The following ADAMTSL3 variants were observed in gnomAD, a reference collection of about 807,000 sequenced individuals.
ADAMTSL3 encodes ADAMTS-like protein 3.
Under a neutral mutation model 201.7 loss-of-function variants are expected in ADAMTSL3, and 128 were observed. The observed-to-expected ratio is 0.63, with a 90% CI of 0.55 to 0.73. The LOEUF is 0.73. Among genes scored for constraint, ADAMTSL3 ranks in the 30% least tolerant of loss-of-function variants. The pLI, the probability that ADAMTSL3 is intolerant of heterozygous loss-of-function variation, is 0.00. For missense variants in ADAMTSL3, 1,990 were observed against 2,119.6 expected (o/e 0.94, Z 1.20); for synonymous variants, 738 against 748.4 (o/e 0.99, Z 0.23).
intron 3 of ADAMTSL3, among the ~76,000 whole-genome samples, chr15:83,724,194 G>A (rs1020975345): frequency 6.6e-6 from 1 of 151,918 alleles, no homozygotes. Context: ...TGCCTCTTGG[G>A]TTCAAGTGAT....
chr15:84,021,553 G>A lies in ADAMTSL3; in HGVS notation c.4417G>A (p.Ala1473Thr). ...GTGTGATCACCTCCAGAAGCCACTG[G>A]CTGGGTTTGAGCCCTGTAACATCCG... ...ALCDHLQKPL[A>T]GFEPCNIRDC... The change falls in exon 26 of 30, where the codon GCT (alanine) becomes ACT (threonine). Residue 1473 changes from alanine to threonine, a missense_variant. Coordinates refer to ENST00000286744, the MANE Select transcript of ADAMTSL3 (RefSeq NM_207517.3). The A allele has an allele frequency of 6.2e-7, 1 of 1,614,180 alleles. No homozygotes were observed. Among genetic ancestry groups the A allele is most frequent in the Non-Finnish European group, 8.5e-7 (1 of 1,180,018 alleles).
intron 9 of ADAMTSL3, among the ~76,000 whole-genome samples, 171 bp downstream of exon 9, chr15:83,871,130 T>G (rs1229844334): frequency 2.6e-5 from 4 of 152,246 alleles, no homozygotes; most frequent in African/African-American, 7.2e-5. Flanking sequence ...TCAGCACTCT[T>G]AAATTTCTGC....
chr15:83,890,020 G>GAA, intron 10 of ADAMTSL3, 89 bp from the exon 11 acceptor site: 9 of 1,290,880 alleles, frequency 7.0e-6, no homozygotes, highest in East Asian at 5.2e-5. Context: ...TCTTAAAGAG[G>GAA]AAAAAAAAAA....
chr15:83,973,514 A>C (rs572184470), intron 20 of ADAMTSL3, among the ~76,000 whole-genome samples: 1 of 152,278 alleles, frequency 6.6e-6, no homozygotes, highest in South Asian at 2.1e-4. Context: ...GGATTTCCTA[A>C]AGAAAATAAT....
chr15:83,688,534 C>G (rs1410687532), intron 2 of ADAMTSL3, among the ~76,000 whole-genome samples: 2 of 150,474 alleles, frequency 1.3e-5, no homozygotes, highest in African/African-American at 4.9e-5. Context: ...TTTTGCAATT[C>G]TTAATTCTAG....
intron 17 of ADAMTSL3, among the ~76,000 whole-genome samples, chr15:83,926,475 A>C (rs2066246871): frequency 6.6e-6 from 1 of 152,216 alleles, no homozygotes; most frequent in Admixed American, 6.5e-5. Context: ...ATCAAGTATA[A>C]ATCTTTTAAG....
chr15:83,882,794 A>G (rs535045162), intron 9 of ADAMTSL3, among the ~76,000 whole-genome samples: 40 of 152,138 alleles, frequency 2.6e-4, no homozygotes, highest in African/African-American at 9.4e-4. Context: ...TGTTAATCTG[A>G]TTTTTCACAT....
intron 25 of ADAMTSL3, 35 bp from the exon 26 acceptor site, chr15:84,021,375 T>C: frequency 6.2e-7 from 1 of 1,610,786 alleles, no homozygotes; most frequent in Non-Finnish European, 8.5e-7. Flanking sequence ...ATTTCTCTTT[T>C]GGGGCTGGCA....
intron 15 of ADAMTSL3, among the ~76,000 whole-genome samples, chr15:83,907,098 A>G (rs1248840119): frequency 1.0e-3 from 33 of 32,510 alleles, no homozygotes; most frequent in East Asian, 4.9e-3. Flanking sequence ...TGTCTCTGGG[A>G]AAAAAAAAAA....
At chr15:83,840,104 C>T (rs1221329157) in intron 7 of ADAMTSL3, among the ~76,000 whole-genome samples, 1 of 152,076 alleles carries the variant, frequency 6.6e-6, no homozygotes, top group African/African-American at 2.4e-5. Context: ...CCAATAATTG[C>T]ATCCTGAGGA....
chr15:83,864,425 T>G (rs190898019), intron 8 of ADAMTSL3, among the ~76,000 whole-genome samples: 2,685 of 152,260 alleles, frequency 0.018, 80 homozygotes, highest in African/African-American at 0.056. Flanking sequence ...ATGATCAAGT[T>G]GGCTTCATCC....
chr15:83,958,414 T>C (rs1178160302), intron 19 of ADAMTSL3, among the ~76,000 whole-genome samples: 1 of 152,172 alleles, frequency 6.6e-6, no homozygotes, highest in Non-Finnish European at 1.5e-5. Flanking sequence ...TTCAGATCCT[T>C]GGGAGTTGGG....
At chr15:83,743,850 C>T in intron 3 of ADAMTSL3, among the ~76,000 whole-genome samples, 1 of 152,004 alleles carries the variant, frequency 6.6e-6, no homozygotes, top group Non-Finnish European at 1.5e-5. Context: ...TTCCTTAACT[C>T]ATATATCTTT....
chr15:83,939,031 A>G (rs891484155), intron 17 of ADAMTSL3, among the ~76,000 whole-genome samples: 2 of 152,180 alleles, frequency 1.3e-5, no homozygotes, highest in Non-Finnish European at 2.9e-5. Flanking sequence ...TTCTGTCTCT[A>G]TTGAAATGAT....
intron 15 of ADAMTSL3, among the ~76,000 whole-genome samples, chr15:83,912,876 T>C (rs1293352887): frequency 6.6e-6 from 1 of 152,188 alleles, no homozygotes; most frequent in East Asian, 1.9e-4. Flanking sequence ...AAGTAGAATA[T>C]AGTTTAGTGA....
chr15:83,876,469 G>A (rs945807871), intron 9 of ADAMTSL3, among the ~76,000 whole-genome samples: 10 of 151,792 alleles, frequency 6.6e-5, no homozygotes, highest in African/African-American at 2.2e-4. Flanking sequence ...TGTATTTAGG[G>A]CTATCAGTTT....
At chr15:83,777,169 C>T (rs1172587864) in intron 4 of ADAMTSL3, among the ~76,000 whole-genome samples, 1 of 152,246 alleles carries the variant, frequency 6.6e-6, no homozygotes, top group African/African-American at 2.4e-5. Context: ...CACACAGTCA[C>T]CAACAGGGGC....
Position 83,983,044 on chromosome 15 carries a change from G to A in ADAMTSL3, c.3416G>A (p.Arg1139Gln), listed in dbSNP as rs148037443. 2.4e-4 allele frequency: 395 copies of A among 1,614,058 alleles called. 3 individuals carry two copies. In the East Asian group the frequency reaches 6.0e-3, roughly 24 times the overall value. The change falls in exon 21 of 30, where the codon CGG (arginine) becomes CAG (glutamine). Residue 1139 changes from arginine to glutamine, a missense_variant. Transcript: ENST00000286744. ...AKAQPTHMQW[R>Q]GIQEETPPAA... Reference sequence around the variant, plus strand: ...GCACAGCCAACACACATGCAGTGGCGGGGCATCCAGGAAGAGACACCTCCT... The same window carrying A: ...GCACAGCCAACACACATGCAGTGGCAGGGCATCCAGGAAGAGACACCTCCT...
rs1229995233 is a variant in ADAMTSL3 at position 83,874,010 on chromosome 15, C to T, written c.960+3051C>T. Among the ~76,000 whole-genome samples the T allele has an allele frequency of 1.4e-5, 2 of 145,472 alleles. 1 individual carries two copies. The highest frequency in any genetic ancestry group is 3.0e-5 in the Non-Finnish European group (2 of 66,716). On this transcript the variant is annotated intron_variant, in intron 9 of 29. Transcript: ENST00000286744. ...CCCATAACATTTCCAGGGCCAAGCC[C>T]GGGGTCCTAACCCATAGCACATCTT...
Sources: gnomAD v4.1 joint callset for allele counts (sites outside exome capture counted in the v4.1 genomes callset) on GRCh38, gnomAD v4.1.1 for gene constraint, MANE v1.5 for transcripts, NCBI Gene and HGNC (gene_info 2026-07-23, HGNC 2026-07-21) for gene names.